CFAP300: variants seen among roughly 807,000 people sequenced by gnomAD.
The protein encoded by CFAP300 is cilia and flagella associated protein 300.
A neutral mutation model predicts 33.0 loss-of-function variants in CFAP300; 32 were observed. That is an observed-to-expected ratio of 0.97 (90% CI 0.73 to 1.30). The LOEUF (loss-of-function observed/expected upper bound fraction) is 1.30. CFAP300 is among the 50% of genes most tolerant of loss of function. CFAP300 has a pLI of 0.00. For missense variants in CFAP300, 356 were observed against 318.1 expected (o/e 1.12, Z -0.90); for synonymous variants, 102 against 106.8 (o/e 0.95, Z 0.28).
chr11:102,059,583 G>T (rs1263933918), intron 3 of CFAP300, among the ~76,000 whole-genome samples: 1 of 152,018 alleles, frequency 6.6e-6, no homozygotes, highest in Non-Finnish European at 1.5e-5. Context: ...GGGAGGTGGA[G>T]GGTTGCCGTG....
At chr11:102,073,871 G>A (rs1942355188) in intron 4 of CFAP300, among the ~76,000 whole-genome samples, 1 of 152,162 alleles carries the variant, frequency 6.6e-6, no homozygotes, top group African/African-American at 2.4e-5. Flanking sequence ...TCAGCTGTGG[G>A]TGGGAGATCC....
chr11:102,081,155 C>T, intron 5 of CFAP300, 60 bp from the exon 6 acceptor site: 1 of 1,213,896 alleles, frequency 8.2e-7, no homozygotes, highest in Non-Finnish European at 1.2e-6. Context: ...GGGATCATTA[C>T]TTAAATGTAT....
chr11:102,075,571 T>C (rs1942383689), intron 4 of CFAP300, among the ~76,000 whole-genome samples: 1 of 152,192 alleles, frequency 6.6e-6, no homozygotes, highest in Non-Finnish European at 1.5e-5. Flanking sequence ...AAATAAGATT[T>C]GAGGTGACAT....
At position 102,084,220 on chromosome 11, in the gene CFAP300, T is replaced by G. The variant is rs1387629000; in HGVS notation, c.*1021T>G. The G allele has an allele frequency of 6.6e-6, 1 of 152,230 alleles. No individual in the cohort carries two copies. Among genetic ancestry groups the G allele is most frequent in the East Asian group, 1.9e-4 (1 of 5,200 alleles). The allele number at this position is 152,230 out of a possible 1,614,324, so 9.4% of individuals were successfully genotyped here. A position where few individuals can be genotyped will look rare whatever the true frequency, so the allele number is the denominator to read the frequency against. ...CATAGAATGAATGTATAACCTAGAT[T>G]GTTTTTGGTTTATTTTGATGGCAAA... On this transcript the variant is annotated 3_prime_UTR_variant, in exon 7 of 7. Transcript: ENST00000434758.
At chr11:102,062,067 A>G (rs904041825) in intron 3 of CFAP300, among the ~76,000 whole-genome samples, 2 of 152,188 alleles carry the variant, frequency 1.3e-5, no homozygotes, top group African/African-American at 4.8e-5. Flanking sequence ...AGATGAGGGC[A>G]CTAGGGTGGG....
At chr11:102,073,737 A>C (rs1315919901) in intron 4 of CFAP300, among the ~76,000 whole-genome samples, 1 of 152,042 alleles carries the variant, frequency 6.6e-6, no homozygotes, top group Non-Finnish European at 1.5e-5. Context: ...AACAGTGGCC[A>C]TGGCAGTAGT....
rs1246823660 is a variant in CFAP300 at position 102,058,930 on chromosome 11, T to A, written c.243T>A (p.Asp81Glu). 6.3e-7 allele frequency: 1 copy of A among 1,587,636 alleles called. No individual in the cohort carries two copies. Among genetic ancestry groups the A allele is most frequent in the African/African-American group, 1.3e-5 (1 of 74,096 alleles). ...TTCCCAATTTGAAGTTACTTTCAGA[T>A]TCTTCTGGACAATGGATCATATTAG... ...NVIPNLKLLS[D>E]SSGQWIILGT... The change falls in exon 3 of 7, where the codon GAT becomes GAA. Residue 81 changes from aspartate to glutamate, a missense_variant. Asp to Glu is a conservative substitution (Grantham distance 45). Coordinates refer to ENST00000434758, the MANE Select transcript of CFAP300 (RefSeq NM_032930.3).
intron 6 of CFAP300, among the ~76,000 whole-genome samples, chr11:102,081,990 A>T (rs944561596): frequency 6.6e-6 from 1 of 152,120 alleles, no homozygotes; most frequent in Non-Finnish European, 1.5e-5. Context: ...CATTCGAAGC[A>T]GTTTCTAAGT....
intron 2 of CFAP300, among the ~76,000 whole-genome samples, chr11:102,049,475 G>A (rs955046354): frequency 8.6e-5 from 13 of 151,968 alleles, no homozygotes; most frequent in African/African-American, 3.1e-4. Context: ...AATTTTGGGG[G>A]GACACTATCA....
intron 2 of CFAP300, among the ~76,000 whole-genome samples, chr11:102,055,036 A>G (rs1942029519): frequency 6.7e-6 from 1 of 149,324 alleles, no homozygotes; most frequent in South Asian, 2.1e-4. Flanking sequence ...GCTGGGGTGC[A>G]GTGGTGCGAT....
At chr11:102,077,318 C>T (rs1056340202) in intron 5 of CFAP300, among the ~76,000 whole-genome samples, 1 of 152,198 alleles carries the variant, frequency 6.6e-6, no homozygotes, top group African/African-American at 2.4e-5. Context: ...CTGTGATTCT[C>T]TTCTACATTT....
At chr11:102,060,743 A>T (rs771023635) in intron 3 of CFAP300, among the ~76,000 whole-genome samples, 1 of 152,110 alleles carries the variant, frequency 6.6e-6, no homozygotes, top group Non-Finnish European at 1.5e-5. Flanking sequence ...TTAGGGGTGT[A>T]TTTTGGTAAA....
At chr11:102,076,490 C>T (rs1040511824) in intron 5 of CFAP300, among the ~76,000 whole-genome samples, 2 of 152,138 alleles carry the variant, frequency 1.3e-5, no homozygotes, top group Non-Finnish European at 2.9e-5. Context: ...CAAATTAATC[C>T]CAGTGCTTAT....
intron 2 of CFAP300, among the ~76,000 whole-genome samples, chr11:102,049,539 G>T (rs900082602): frequency 1.3e-5 from 2 of 151,980 alleles, no homozygotes; most frequent in Admixed American, 6.5e-5. Flanking sequence ...CCCTAAGATG[G>T]TGTTATAGTG....
At chr11:102,076,484 T>A (rs1942396953) in intron 5 of CFAP300, among the ~76,000 whole-genome samples, 1 of 152,238 alleles carries the variant, frequency 6.6e-6, no homozygotes, top group African/African-American at 2.4e-5. Context: ...CCTTTTCAAA[T>A]TAATCCCAGT....
intron 3 of CFAP300, among the ~76,000 whole-genome samples, chr11:102,060,161 G>A (rs764604399): frequency 1.3e-5 from 2 of 152,050 alleles, no homozygotes; most frequent in Non-Finnish European, 2.9e-5. Context: ...TAGTAGAGAC[G>A]GGGTTTCGCC....
chr11:102,078,084 G>A (rs1404782912), intron 5 of CFAP300, among the ~76,000 whole-genome samples: 1 of 151,830 alleles, frequency 6.6e-6, no homozygotes, highest in Non-Finnish European at 1.5e-5. Context: ...GTAGAGACAG[G>A]GTTTCACCAT....
chr11:102,078,553 A>G (rs1371017994), intron 5 of CFAP300, among the ~76,000 whole-genome samples: 1 of 152,164 alleles, frequency 6.6e-6, no homozygotes, highest in Non-Finnish European at 1.5e-5. Context: ...TGCTAGGCCT[A>G]TAAAAAATTA....
intron 5 of CFAP300, among the ~76,000 whole-genome samples, chr11:102,077,722 A>G: frequency 6.6e-6 from 1 of 152,062 alleles, no homozygotes; most frequent in East Asian, 1.9e-4. Flanking sequence ...TTATAGGCAC[A>G]AGCCACCATG....
Sources: allele counts gnomAD v4.1 joint callset (sites outside exome capture counted in the v4.1 genomes callset), GRCh38; gene constraint gnomAD v4.1.1; transcripts MANE v1.5; gene names NCBI Gene and HGNC (gene_info 2026-07-23, HGNC 2026-07-21).